Variants in CROT observed in about 807,000 individuals in gnomAD.
The protein encoded by CROT is peroxisomal carnitine O-octanoyltransferase.
A neutral mutation model predicts 89.2 loss-of-function variants in CROT; 84 were observed. That is an observed-to-expected ratio of 0.94 (90% confidence interval 0.79 to 1.13). The LOEUF is 1.13. Ranked by LOEUF, CROT falls within the 50% of genes most tolerant of loss-of-function variation. CROT has a pLI of 0.00. For missense variants in CROT, 711 were observed against 727.8 expected (o/e 0.98, Z 0.27); for synonymous variants, 212 against 239.5 (o/e 0.89, Z 1.06).
At chr7:87,347,919 A>C (rs1805742622) in intron 2 of CROT, among the ~76,000 whole-genome samples, 1 of 152,192 alleles carries the variant, frequency 6.6e-6, no homozygotes, top group Admixed American at 6.5e-5. Flanking sequence ...AGCCACACTG[A>C]GCTCCAAGAG....
chr7:87,350,820 T>C (rs1459201917), intron 3 of CROT, among the ~76,000 whole-genome samples: 1 of 152,188 alleles, frequency 6.6e-6, no homozygotes, highest in Non-Finnish European at 1.5e-5. Flanking sequence ...GTGTCATGTC[T>C]CTCAAGGCAT....
At chr7:87,371,989 G>A (rs371791628) in intron 7 of CROT, among the ~76,000 whole-genome samples, 5 of 111,596 alleles carry the variant, frequency 4.5e-5, no homozygotes, top group East Asian at 2.5e-4. Flanking sequence ...GCAAGACGCT[G>A]TCTCAAAAAA....
chr7:87,371,744 A>C (rs771477654), intron 7 of CROT, among the ~76,000 whole-genome samples: 3 of 152,114 alleles, frequency 2.0e-5, no homozygotes, highest in Non-Finnish European at 4.4e-5. Context: ...TAATTGCAAC[A>C]TTTTGGGAGG....
At chr7:87,348,440 T>G (rs1212275050) in intron 2 of CROT, among the ~76,000 whole-genome samples, 2 of 152,224 alleles carry the variant, frequency 1.3e-5, no homozygotes, top group Non-Finnish European at 2.9e-5. Flanking sequence ...ATAATAATCT[T>G]TAATTCTACA....
At chr7:87,360,504 C>A (rs1424970184) in intron 4 of CROT, among the ~76,000 whole-genome samples, 1 of 152,078 alleles carries the variant, frequency 6.6e-6, no homozygotes, top group African/African-American at 2.4e-5. Context: ...CCACACCCAA[C>A]TGATTTTTGT....
chr7:87,368,188 G>A (rs1222120467), intron 6 of CROT, among the ~76,000 whole-genome samples: 3 of 152,132 alleles, frequency 2.0e-5, no homozygotes, highest in East Asian at 1.9e-4. Context: ...ACACTTCTGC[G>A]GGTATTTACA....
chr7:87,351,773 G>T (rs896079663), intron 3 of CROT, among the ~76,000 whole-genome samples: 2 of 152,070 alleles, frequency 1.3e-5, no homozygotes, highest in African/African-American at 4.8e-5. Flanking sequence ...CACTTGATAG[G>T]GTCCTCTCCA....
intron 4 of CROT, among the ~76,000 whole-genome samples, chr7:87,360,850 C>T (rs1806243363): frequency 6.6e-6 from 1 of 152,242 alleles, no homozygotes; most frequent in Non-Finnish European, 1.5e-5. Flanking sequence ...TCTTGATACT[C>T]GTTTTTGATA....
chr7:87,392,408 A>G (rs1807391460), intron 14 of CROT, among the ~76,000 whole-genome samples, 158 bp from the exon 15 acceptor site: 1 of 152,182 alleles, frequency 6.6e-6, no homozygotes, highest in Non-Finnish European at 1.5e-5. Context: ...AGGCGATAGA[A>G]TAACTGATGG....
intron 6 of CROT, among the ~76,000 whole-genome samples, chr7:87,368,572 A>G (rs1375436746): frequency 6.6e-6 from 1 of 152,206 alleles, no homozygotes; most frequent in Non-Finnish European, 1.5e-5. Context: ...ATAGTTGATG[A>G]AAAGATTTCA....
At chr7:87,385,690 T>C (rs1807163615) in intron 13 of CROT, among the ~76,000 whole-genome samples, 1 of 152,160 alleles carries the variant, frequency 6.6e-6, no homozygotes, top group African/African-American at 2.4e-5. Flanking sequence ...TTCTAATTGC[T>C]TTGGCTAGGA....
chr7:87,356,307 T>C (rs1266890845), intron 3 of CROT, among the ~76,000 whole-genome samples: 1 of 152,220 alleles, frequency 6.6e-6, no homozygotes. Flanking sequence ...TTGGGTAAAG[T>C]AGTCTTCATG....
intron 13 of CROT, among the ~76,000 whole-genome samples, chr7:87,386,743 C>T (rs998174411): frequency 5.9e-5 from 9 of 152,054 alleles, no homozygotes; most frequent in South Asian, 4.1e-4. Context: ...CTTCCTACAC[C>T]GTAACACTGC....
intron 17 of CROT, among the ~76,000 whole-genome samples, chr7:87,397,973 C>G (rs957490841): frequency 3.3e-5 from 5 of 152,194 alleles, no homozygotes; most frequent in Admixed American, 6.5e-5. Flanking sequence ...GGCCACTTTT[C>G]TCACTTGCCA....
chr7:87,380,892 G>T (rs2116010889), intron 10 of CROT, among the ~76,000 whole-genome samples: 1 of 152,348 alleles, frequency 6.6e-6, no homozygotes, highest in South Asian at 2.1e-4. Flanking sequence ...AAATGGGTTT[G>T]TCAGCGACCT....
In CROT at chr7:87,398,519, C is replaced by A. The variant is rs368915489; in HGVS notation, c.1719-5C>A. 5.5e-5 allele frequency: 89 copies of A among 1,613,394 alleles called. No homozygotes were observed. The Middle Eastern group carries it at 1.5e-3, about 27-fold the overall frequency. On this transcript the variant is annotated splice_polypyrimidine_tract_variant and splice_region_variant and intron_variant, in intron 17 of 17. Coordinates refer to ENST00000331536, the MANE Select transcript of CROT (RefSeq NM_021151.4). Reference sequence around the variant, plus strand: ...TAATCATTAATCATTATTTATGCTTCACAGGTTTGTTGTGGCCTGTTCAGC... The same window carrying A: ...TAATCATTAATCATTATTTATGCTTAACAGGTTTGTTGTGGCCTGTTCAGC...
chr7:87,389,899 AT>A (rs576451533), intron 13 of CROT, among the ~76,000 whole-genome samples: 48 of 149,526 alleles, frequency 3.2e-4, no homozygotes, highest in African/African-American at 4.9e-4. Context: ...TTCACGCGGT[AT>A]TTTTTTTTTA....
chr7:87,361,770 T>A lies in CROT; in HGVS notation c.465T>A (p.Asp155Glu), dbSNP rs1277680942. 2.5e-6 allele frequency: 4 copies of A among 1,607,800 alleles called. No homozygotes were observed. The highest frequency in any genetic ancestry group is 3.4e-6 in the Non-Finnish European group (4 of 1,177,262). Residue 155 changes from aspartate to glutamate, a missense_variant, in exon 6 of 18, where the codon GAT becomes GAA. Asp to Glu is a conservative substitution (Grantham distance 45). Transcript: ENST00000331536. Reference sequence around the variant, plus strand: ...ATAAAGTTGGAAATACTCCTCTAGATATGAATCAATTCCGAATGCTATTTT... The same window carrying A: ...ATAAAGTTGGAAATACTCCTCTAGAAATGAATCAATTCCGAATGCTATTTT... Reference protein sequence around the residue: ...PVHKVGNTPLDMNQFRMLFST... With the variant: ...PVHKVGNTPLEMNQFRMLFST...
intron 10 of CROT, among the ~76,000 whole-genome samples, chr7:87,377,956 C>T (rs536184971): frequency 1.3e-5 from 2 of 152,254 alleles, no homozygotes; most frequent in African/African-American, 4.8e-5. Context: ...TTTCTTGCTT[C>T]TCCTCTGTTC....
Sources: gnomAD v4.1 joint callset for allele counts (sites outside exome capture counted in the v4.1 genomes callset) on GRCh38, gnomAD v4.1.1 for gene constraint, MANE v1.5 for transcripts, NCBI Gene and HGNC (gene_info 2026-07-23, HGNC 2026-07-21) for gene names.